CDKAL1: variants seen among roughly 807,000 people sequenced by gnomAD.
The protein encoded by CDKAL1 is threonylcarbamoyladenosine tRNA methylthiotransferase.
In CDKAL1, 32 loss-of-function variants were observed where a neutral mutation model predicts 68.2. That is an observed-to-expected ratio of 0.47 (90% CI 0.35 to 0.63). CDKAL1 has a LOEUF of 0.63. Ranked by LOEUF, CDKAL1 falls within the 30% of genes least tolerant of loss-of-function variation. The pLI, the probability that CDKAL1 is intolerant of heterozygous loss-of-function variation, is 0.00. For missense variants in CDKAL1, 606 were observed against 696.7 expected, an observed-to-expected ratio of 0.87 and a Z score of 1.47; for synonymous variants, 234 against 244.3, an observed-to-expected ratio of 0.96 and a Z score of 0.39.
chr6:20,768,747 T>C (rs1307241722), intron 7 of CDKAL1, among the ~76,000 whole-genome samples: 2 of 152,042 alleles, frequency 1.3e-5, no homozygotes, highest in Non-Finnish European at 1.5e-5. Context: ...TTCAGGACTT[T>C]GAGAGAGGTA....
intron 9 of CDKAL1, among the ~76,000 whole-genome samples, chr6:20,851,299 A>G (rs1015593065): frequency 6.6e-6 from 1 of 152,206 alleles, no homozygotes; most frequent in African/African-American, 2.4e-5. Flanking sequence ...AAACATGTCA[A>G]GTGGTGACCA....
At chr6:20,838,276 A>G (rs1474722657) in intron 8 of CDKAL1, among the ~76,000 whole-genome samples, 2 of 152,160 alleles carry the variant, frequency 1.3e-5, no homozygotes, top group Non-Finnish European at 2.9e-5. Context: ...TTGTGTTCAC[A>G]GTTCCTGTTT....
chr6:21,201,148 G>C lies in CDKAL1; in HGVS notation c.1422G>C (p.Met474Ile). ...AGAACCCTGCGTTCATGGGGAAGAT[G>C]GTTGAAGTGGACATCTATGAATCAG... is the stretch of plus-strand genomic sequence containing the variant. ...VPKNPAFMGK[M>I]VEVDIYESGK... Residue 474 changes from methionine (M) to isoleucine (I), a missense_variant, in exon 15 of 16, where the codon ATG becomes ATC. Coordinates refer to ENST00000274695, the MANE Select transcript of CDKAL1 (RefSeq NM_017774.3). 6.2e-7 allele frequency: 1 copy of C among 1,613,708 alleles called. No individual in the cohort carries two copies. Among genetic ancestry groups the C allele is most frequent in the Non-Finnish European group, 8.5e-7 (1 of 1,179,676 alleles).
chr6:20,868,058 A>G (rs1339001040), intron 9 of CDKAL1, among the ~76,000 whole-genome samples: 2 of 52,824 alleles, frequency 3.8e-5, no homozygotes, highest in Non-Finnish European at 1.2e-4. Flanking sequence ...CTTCTGTATA[A>G]TAAACAAATC....
At chr6:20,602,054 G>C (rs557563226) in intron 4 of CDKAL1, among the ~76,000 whole-genome samples, 2 of 152,288 alleles carry the variant, frequency 1.3e-5, no homozygotes, top group South Asian at 4.1e-4. Context: ...CTGTGTAAGG[G>C]ACACTGTGCA....
At chr6:20,645,592 G>A (rs1289311343) in intron 4 of CDKAL1, among the ~76,000 whole-genome samples, 1 of 152,012 alleles carries the variant, frequency 6.6e-6, no homozygotes, top group African/African-American at 2.4e-5. Context: ...TTAGCCAGGT[G>A]TGGTGGCAGG....
At chr6:21,001,354 A>G (rs1200496158) in intron 11 of CDKAL1, among the ~76,000 whole-genome samples, 1 of 152,118 alleles carries the variant, frequency 6.6e-6, no homozygotes, top group East Asian at 1.9e-4. Context: ...TTAGTCATTT[A>G]TCCTAACTGC....
At chr6:20,816,570 C>T (rs1777055968) in intron 8 of CDKAL1, among the ~76,000 whole-genome samples, 1 of 152,068 alleles carries the variant, frequency 6.6e-6, no homozygotes. Context: ...TGAGAATGCT[C>T]TTTGTTACAA....
chr6:21,072,450 T>C (rs962187697), intron 12 of CDKAL1, among the ~76,000 whole-genome samples: 2 of 149,872 alleles, frequency 1.3e-5, no homozygotes, highest in African/African-American at 4.9e-5. Flanking sequence ...GAAGCAGAAC[T>C]CATTGCATAA....
chr6:20,546,854 G>A (rs1763627249), intron 3 of CDKAL1, among the ~76,000 whole-genome samples: 2 of 151,978 alleles, frequency 1.3e-5, no homozygotes, highest in Admixed American at 1.3e-4. Flanking sequence ...GAGCACGGCC[G>A]AAATTATATT....
intron 9 of CDKAL1, among the ~76,000 whole-genome samples, chr6:20,886,146 G>A (rs533101914): frequency 9.5e-4 from 144 of 152,284 alleles, no homozygotes; most frequent in Non-Finnish European, 1.7e-3. Context: ...ATGAAAAGAT[G>A]CTGAAAACAT....
intron 10 of CDKAL1, among the ~76,000 whole-genome samples, chr6:20,956,211 A>G (rs1433567316): frequency 2.0e-5 from 3 of 152,194 alleles, no homozygotes; most frequent in East Asian, 1.9e-4. Flanking sequence ...TCACTTATCA[A>G]CATAATGGTA....
intron 9 of CDKAL1, among the ~76,000 whole-genome samples, chr6:20,848,587 A>G (rs1758819746): frequency 6.6e-6 from 1 of 152,166 alleles, no homozygotes; most frequent in African/African-American, 2.4e-5. Context: ...CTATTTTTAG[A>G]GAACGTATTA....
chr6:20,860,440 C>T (rs1366873290), intron 9 of CDKAL1, among the ~76,000 whole-genome samples: 1 of 152,184 alleles, frequency 6.6e-6, no homozygotes, highest in Non-Finnish European at 1.5e-5. Context: ...TATTTATTGT[C>T]TGTTCTGAGA....
intron 13 of CDKAL1, among the ~76,000 whole-genome samples, chr6:21,172,595 A>G (rs1296216425): frequency 6.6e-6 from 1 of 152,146 alleles, no homozygotes; most frequent in East Asian, 1.9e-4. Context: ...TCTCTACAAA[A>G]AAGATTTTAA....
intron 11 of CDKAL1, among the ~76,000 whole-genome samples, chr6:21,039,596 G>C (rs1487859705): frequency 1.3e-5 from 2 of 152,066 alleles, no homozygotes; most frequent in Non-Finnish European, 2.9e-5. Context: ...CAGTACCTTT[G>C]CACCTGTATT....
At position 20,979,772 on chromosome 6, in the gene CDKAL1, CTTTT is replaced by C. The variant is rs58698004; in HGVS notation, c.910-20441_910-20438del. Among the ~76,000 whole-genome samples the C allele has an allele frequency of 3.1e-3, 411 of 131,748 alleles. 1 individual carries two copies. The highest frequency in any genetic ancestry group is 0.01 in the African/African-American group (375 of 36,020). 86.4% of individuals were successfully genotyped at this position (131,748 alleles called of 152,430 possible). ...TGATATTAAAATTTTTTCATAGTAT[CTTTT>C]TTTTTTTTTTTTTGGGACAGCATCT... On this transcript the variant is annotated intron_variant, in intron 10 of 15. Coordinates refer to ENST00000274695, the MANE Select transcript of CDKAL1 (RefSeq NM_017774.3).
At chr6:20,738,032 T>C (rs892550847) in intron 5 of CDKAL1, among the ~76,000 whole-genome samples, 7 of 152,190 alleles carry the variant, frequency 4.6e-5, no homozygotes, top group Non-Finnish European at 8.8e-5. Context: ...TAGAGACCTT[T>C]TACTTTGTAG....
At chr6:21,083,591 T>C (rs1442938834) in intron 12 of CDKAL1, among the ~76,000 whole-genome samples, 2 of 152,180 alleles carry the variant, frequency 1.3e-5, no homozygotes, top group African/African-American at 4.8e-5. Context: ...TACTGTTATC[T>C]AAATCAGGAA....
Sources: allele counts gnomAD v4.1 joint callset (sites outside exome capture counted in the v4.1 genomes callset), GRCh38; gene constraint gnomAD v4.1.1; transcripts MANE v1.5; gene names NCBI Gene and HGNC (gene_info 2026-07-23, HGNC 2026-07-21).